The following ANO10 variants were observed in gnomAD, a reference collection of about 807,000 sequenced individuals.
ANO10 encodes anoctamin 10.
Under a neutral mutation model 74.7 loss-of-function variants are expected in ANO10, and 77 were observed. That is an observed-to-expected ratio of 1.03 (90% confidence interval 0.86 to 1.25). The LOEUF is 1.25. Among genes scored for constraint, ANO10 ranks in the 50% most tolerant of loss-of-function variants. The pLI is 0.00. For missense variants in ANO10, 721 were observed against 778.1 expected (o/e 0.93, Z 0.87); for synonymous variants, 279 against 284.9 (o/e 0.98, Z 0.21).
chr3:43,632,818 A>G (rs1284654941), intron 1 of ANO10, among the ~76,000 whole-genome samples: 2 of 152,236 alleles, frequency 1.3e-5, no homozygotes, highest in Non-Finnish European at 2.9e-5. Context: ...GACAGCCTTC[A>G]TAAGGCAGAT....
At chr3:43,367,232 C>T (rs550995030) in intron 12 of ANO10, among the ~76,000 whole-genome samples, 107 of 152,280 alleles carry the variant, frequency 7.0e-4, no homozygotes, top group Admixed American at 1.2e-3. Flanking sequence ...AAGCAGCTGG[C>T]GTCTCCTCCT....
chr3:43,398,106 G>A (rs1050571658), intron 12 of ANO10, among the ~76,000 whole-genome samples: 1 of 152,128 alleles, frequency 6.6e-6, no homozygotes, highest in Admixed American at 6.5e-5. Context: ...AGCCATATGG[G>A]AAATAAAAAG....
At chr3:43,682,901 C>G (rs1483571387) in intron 1 of ANO10, among the ~76,000 whole-genome samples, 1 of 152,190 alleles carries the variant, frequency 6.6e-6, no homozygotes, top group Non-Finnish European at 1.5e-5. Context: ...TAAAAACTCT[C>G]AATAAATTAG....
chr3:43,440,010 A>G (rs183070972), intron 11 of ANO10, among the ~76,000 whole-genome samples: 133 of 152,288 alleles, frequency 8.7e-4, no homozygotes, highest in Non-Finnish European at 1.3e-3. Context: ...TGTAATCCCC[A>G]TGATAACTAC....
At chr3:43,501,970 C>G (rs573477624) in intron 11 of ANO10, among the ~76,000 whole-genome samples, 1 of 152,326 alleles carries the variant, frequency 6.6e-6, no homozygotes, top group East Asian at 1.9e-4. Flanking sequence ...ACCTCACACC[C>G]ATAGGATGGC....
At chr3:43,637,079 AG>A (rs2083618674) in intron 1 of ANO10, among the ~76,000 whole-genome samples, 1 of 152,180 alleles carries the variant, frequency 6.6e-6, no homozygotes, top group African/African-American at 2.4e-5. Context: ...CTGTGGTGGG[AG>A]GATCAATTGA....
At chr3:43,371,277 C>A (rs766188533) in intron 12 of ANO10, among the ~76,000 whole-genome samples, 1 of 152,212 alleles carries the variant, frequency 6.6e-6, no homozygotes, top group Non-Finnish European at 1.5e-5. Flanking sequence ...GCCTCACCGT[C>A]CATGTCCTCT....
At chr3:43,654,658 C>T (rs941161357) in intron 1 of ANO10, among the ~76,000 whole-genome samples, 2 of 152,208 alleles carry the variant, frequency 1.3e-5, no homozygotes, top group East Asian at 3.9e-4. Flanking sequence ...TCCTTCTACT[C>T]CTCTCTTCTA....
chr3:43,393,864 C>T (rs888938346), intron 12 of ANO10, among the ~76,000 whole-genome samples: 1 of 152,006 alleles, frequency 6.6e-6, no homozygotes, highest in Non-Finnish European at 1.5e-5. Flanking sequence ...ACCCCTAACC[C>T]CTCCATTTCC....
rs758937084 is a variant in ANO10 at position 43,605,756 on chromosome 3, CT to C, written c.96del (p.Glu33AsnfsTer3). ...ELAQDVKEET[K>X]EWLKNRIIAK... ...GCTATAATTCTGTTTTTCAGCCATT[CT>C]TTGGTTTCTTCTTTGACATCCTGAG... On this transcript the variant is annotated frameshift_variant, in exon 2 of 13. Coordinates refer to ENST00000292246, the MANE Select transcript of ANO10 (RefSeq NM_018075.5). LOFTEE classifies it high-confidence loss of function. 1.8e-4 allele frequency: 293 copies of C among 1,613,568 alleles called. No homozygotes were observed. The highest frequency in any genetic ancestry group is 2.3e-4 in the Non-Finnish European group (277 of 1,179,772).
At chr3:43,653,682 G>T (rs1447681975) in intron 1 of ANO10, among the ~76,000 whole-genome samples, 1 of 152,122 alleles carries the variant, frequency 6.6e-6, no homozygotes, top group Non-Finnish European at 1.5e-5. Context: ...TAGGTGATTA[G>T]ATAAATAAAT....
chr3:43,633,110 AC>A (rs2083566411), intron 1 of ANO10, among the ~76,000 whole-genome samples: 2 of 152,296 alleles, frequency 1.3e-5, no homozygotes, highest in Non-Finnish European at 2.9e-5. Context: ...GAAATAAAAA[AC>A]GTAAATTTAT....
In ANO10 at chr3:43,449,702, G is replaced by A. The variant is rs985431525; in HGVS notation, c.1798-16975C>T. Among the ~76,000 whole-genome samples the A allele has an allele frequency of 3.3e-5, 5 of 151,036 alleles. No individual in the cohort carries two copies. The Admixed American group carries it at 3.3e-4, about 10-fold the overall frequency. Reference sequence around the variant, plus strand: ...ATGTCTTCATTACTGTAGCTTTACAGCAAGTTTCGAAGTTGGTTAGTGCCA... The same window carrying A: ...ATGTCTTCATTACTGTAGCTTTACAACAAGTTTCGAAGTTGGTTAGTGCCA... On this transcript the variant is annotated intron_variant, in intron 11 of 12. Transcript: ENST00000292246.
intron 7 of ANO10, among the ~76,000 whole-genome samples, chr3:43,568,542 CG>C (rs2080503860): frequency 6.8e-6 from 1 of 147,968 alleles, no homozygotes; most frequent in Non-Finnish European, 1.5e-5. Context: ...CACTCAAAAC[CG>C]CTCAACTACA....
intron 11 of ANO10, among the ~76,000 whole-genome samples, chr3:43,444,122 C>A (rs996634489): frequency 2.0e-5 from 3 of 152,152 alleles, no homozygotes; most frequent in African/African-American, 7.2e-5. Flanking sequence ...AAAATATAAT[C>A]TCCATTGTAG....
chr3:43,466,251 G>A (rs2075607320), intron 11 of ANO10, among the ~76,000 whole-genome samples: 1 of 151,062 alleles, frequency 6.6e-6, no homozygotes, highest in East Asian at 1.9e-4. Flanking sequence ...CGTGCCGGTA[G>A]TTCCAGCTAC....
At chr3:43,539,177 C>G (rs1409289141) in intron 11 of ANO10, among the ~76,000 whole-genome samples, 2 of 152,086 alleles carry the variant, frequency 1.3e-5, no homozygotes, top group African/African-American at 2.4e-5. Context: ...GAGCTGCCCC[C>G]ACATTCCACT....
chr3:43,416,111 C>T (rs1446322235), intron 12 of ANO10, among the ~76,000 whole-genome samples: 1 of 151,994 alleles, frequency 6.6e-6, no homozygotes, highest in East Asian at 1.9e-4. Context: ...GGAGCTGTAT[C>T]TTCCAGACAT....
chr3:43,424,582 C>T (rs1423036487), intron 12 of ANO10: 2 of 152,168 alleles, frequency 1.3e-5, no homozygotes, highest in African/African-American at 4.8e-5. Context: ...TCCTGTGGCC[C>T]TCACCCAGGA....
Sources: allele counts gnomAD v4.1 joint callset (sites outside exome capture counted in the v4.1 genomes callset), GRCh38; gene constraint gnomAD v4.1.1; transcripts MANE v1.5; gene names NCBI Gene and HGNC (gene_info 2026-07-23, HGNC 2026-07-21).